The following PCDHA4 variants were observed in gnomAD, a reference collection of about 807,000 sequenced individuals.
The protein encoded by PCDHA4 is protocadherin alpha-4.
In PCDHA4, 49 loss-of-function variants were observed where a neutral mutation model predicts 61.4. That is an observed-to-expected ratio of 0.80 (90% CI 0.63 to 1.01). The LOEUF is 1.01. PCDHA4 is among the 50% of genes least tolerant of loss of function. The probability of loss-of-function intolerance (pLI) is 0.00; values close to 1 mark genes in which losing one functional copy is unlikely to be tolerated. For missense variants in PCDHA4, 1,254 were observed against 1,235.8 expected, an observed-to-expected ratio of 1.01 and a Z score of -0.22; for synonymous variants, 590 against 550.3, an observed-to-expected ratio of 1.07 and a Z score of -1.01.
chr5:140,894,098 T>C (rs1025974161), intron 1 of PCDHA4, among the ~76,000 whole-genome samples: 2 of 152,178 alleles, frequency 1.3e-5, no homozygotes, highest in Non-Finnish European at 2.9e-5. Flanking sequence ...TTCTAGCTCC[T>C]GGTGTTGCAG....
chr5:140,983,399 G>C (rs1486206101), intron 3 of PCDHA4, among the ~76,000 whole-genome samples: 1 of 152,148 alleles, frequency 6.6e-6, no homozygotes, highest in East Asian at 1.9e-4. Context: ...TTTCAGAAAG[G>C]GAAGATTAAG....
At chr5:140,869,231 C>T (rs781820629) in intron 1 of PCDHA4, 29 of 1,613,712 alleles carry the variant, frequency 1.8e-5, no homozygotes, top group Non-Finnish European at 2.3e-5. Context: ...AAACACGGCA[C>T]CTTCGTGGGC....
chr5:140,976,798 A>G (rs571590033), intron 1 of PCDHA4, among the ~76,000 whole-genome samples: 169 of 152,368 alleles, frequency 1.1e-3, no homozygotes, highest in Admixed American at 1.8e-3. Context: ...GCTTTTATGA[A>G]TATCTGAAGA....
chr5:141,002,494 C>CGGT (rs2098083464), intron 3 of PCDHA4, among the ~76,000 whole-genome samples: 1 of 152,228 alleles, frequency 6.6e-6, no homozygotes, highest in Admixed American at 6.5e-5. Flanking sequence ...CCTTGTTATA[C>CGGT]AGCTCAGGAT....
chr5:140,957,630 C>A (rs2095372065), intron 1 of PCDHA4, among the ~76,000 whole-genome samples: 1 of 152,000 alleles, frequency 6.6e-6, no homozygotes, highest in Non-Finnish European at 1.5e-5. Context: ...CACACACTTT[C>A]AGAAATGCAC....
chr5:140,937,219 T>A (rs555881657), intron 1 of PCDHA4, among the ~76,000 whole-genome samples: 4 of 151,838 alleles, frequency 2.6e-5, no homozygotes, highest in East Asian at 3.9e-4. Context: ...TTGTATTTTT[T>A]GTAGAGACGG....
At position 140,850,009 on chromosome 5, in the gene PCDHA4, C is replaced by G. The variant is rs2150463255; in HGVS notation, c.2385+40437C>G. The G allele has an allele frequency of 3.8e-5, 61 of 1,596,962 alleles. 4 individuals carry two copies. Among genetic ancestry groups the G allele is most frequent in the Non-Finnish European group, 5.1e-5 (60 of 1,167,842 alleles). On this transcript the variant is annotated intron_variant, in intron 1 of 3. Transcript: ENST00000530339. ...CGGCGGTTGGGCGAGCGCTCGCTGT[C>G]GAGCTACGTGTCAGTGCACGCGGAG...
chr5:140,853,750 C>T (rs2042854263), intron 1 of PCDHA4: 1 of 988,454 alleles, frequency 1.0e-6, no homozygotes, highest in Non-Finnish European at 1.2e-6. Context: ...TGGTTCAAGG[C>T]TCCACCTCAG....
chr5:140,847,939 G>A (rs2150405310), intron 1 of PCDHA4: 7 of 151,270 alleles, frequency 4.6e-5, no homozygotes, highest in African/African-American at 1.7e-4. Flanking sequence ...TGCAACTCCT[G>A]GATTTCTCTT....
intron 1 of PCDHA4, among the ~76,000 whole-genome samples, chr5:140,958,321 AAAAT>A: frequency 1.3e-5 from 2 of 152,256 alleles, no homozygotes; most frequent in Middle Eastern, 6.8e-3. Context: ...TAGAGCTCAA[AAAAT>A]AAATAAATCA....
chr5:140,858,813 G>A, intron 1 of PCDHA4: 1 of 351,180 alleles, frequency 2.8e-6, no homozygotes, highest in South Asian at 3.4e-5. Flanking sequence ...ATTTTGATTT[G>A]ATTGTATTTG....
intron 1 of PCDHA4, chr5:140,927,041 T>G (rs1242687827): frequency 9.9e-6 from 16 of 1,612,338 alleles, no homozygotes; most frequent in Non-Finnish European, 1.0e-5. Context: ...GCGGCCGCTA[T>G]GTCCTCGCGG....
intron 2 of PCDHA4, among the ~76,000 whole-genome samples, chr5:140,979,939 T>A (rs2096870929): frequency 6.6e-6 from 1 of 152,210 alleles, no homozygotes; most frequent in African/African-American, 2.4e-5. Context: ...ATGTGTAGAG[T>A]TAATGTGAAA....
intron 3 of PCDHA4, among the ~76,000 whole-genome samples, chr5:140,986,372 G>C (rs570215048): frequency 2.1e-4 from 32 of 152,248 alleles, no homozygotes; most frequent in Admixed American, 5.2e-4. Context: ...ATGCGTTTTG[G>C]GGGGAGGGAC....
chr5:141,009,563 C>T (rs1588242901), intron 3 of PCDHA4, 64 bp from the exon 4 acceptor site: 2 of 1,571,920 alleles, frequency 1.3e-6, no homozygotes, highest in Non-Finnish European at 1.7e-6. Flanking sequence ...TGTACTCTAC[C>T]AGCAGTGTGG....
chr5:140,968,927 T>C (rs1554231254), intron 1 of PCDHA4: 3 of 1,614,090 alleles, frequency 1.9e-6, no homozygotes, highest in African/African-American at 1.3e-5. Flanking sequence ...TATATTTCTT[T>C]TGACAATCAT....
intron 1 of PCDHA4, chr5:140,851,314 C>G (rs1276562311): frequency 1.0e-6 from 1 of 997,874 alleles, no homozygotes; most frequent in Non-Finnish European, 1.2e-6. Context: ...CAATTGTTAC[C>G]TTGTTAAGTT....
chr5:140,822,502 A>C, intron 1 of PCDHA4: 1 of 1,613,896 alleles, frequency 6.2e-7, no homozygotes. Context: ...AGAATTTGAT[A>C]AATCCATTTA....
At chr5:140,857,920 G>A (rs2045011675) in intron 1 of PCDHA4, 2 of 1,597,818 alleles carry the variant, frequency 1.3e-6, no homozygotes, top group Non-Finnish European at 1.7e-6. Flanking sequence ...TTCGCGTGGG[G>A]CTGTACACGG....
Sources: allele counts gnomAD v4.1 joint callset (sites outside exome capture counted in the v4.1 genomes callset), GRCh38; gene constraint gnomAD v4.1.1; transcripts MANE v1.5; gene names NCBI Gene and HGNC (gene_info 2026-07-23, HGNC 2026-07-21).